The following BICC1 variants were observed in gnomAD, a reference collection of about 807,000 sequenced individuals.
BICC1 encodes the protein protein bicaudal C homolog 1.
BICC1 carries 43 observed loss-of-function variants against 111.0 expected under a neutral mutation model. That is an observed-to-expected ratio of 0.39 (90% CI 0.30 to 0.50). The LOEUF is 0.50. BICC1 is among the 20% of genes least tolerant of loss of function. The probability of loss-of-function intolerance (pLI) is 0.88; values close to 1 mark genes in which losing one functional copy is unlikely to be tolerated. For synonymous variants in BICC1, 467 were observed against 434.4 expected, an observed-to-expected ratio of 1.07 and a Z score of -0.93; for missense variants, 1,091 against 1,203.2, an observed-to-expected ratio of 0.91 and a Z score of 1.38.
chr10:58,522,512 A>G (rs1477835559), intron 1 of BICC1, among the ~76,000 whole-genome samples: 1 of 152,186 alleles, frequency 6.6e-6, no homozygotes, highest in Non-Finnish European at 1.5e-5. Context: ...ACCAACGACA[A>G]CAAAGACACA....
chr10:58,818,388 T>C lies in BICC1; in HGVS notation c.2694+666T>C, dbSNP rs1844161095. Among the ~76,000 whole-genome samples, 4 of 152,288 alleles carry C rather than the reference T, an allele frequency of 2.6e-5. No homozygotes were observed. The South Asian group carries it at 8.3e-4, about 32-fold the overall frequency. ...TGCTCTCATATTACTGGGGCACAGC[T>C]AACTCAAAGTGTCAGAAAATTAAAA... On this transcript the variant is annotated intron_variant, in intron 19 of 20. Coordinates refer to ENST00000373886, the MANE Select transcript of BICC1 (RefSeq NM_001080512.3).
At chr10:58,736,458 T>C (rs1841471337) in intron 3 of BICC1, among the ~76,000 whole-genome samples, 1 of 152,158 alleles carries the variant, frequency 6.6e-6, no homozygotes, top group East Asian at 1.9e-4. Flanking sequence ...AGTGTGCTGT[T>C]TTTCCTTGCA....
At chr10:58,604,373 C>G (rs1386037416) in intron 1 of BICC1, among the ~76,000 whole-genome samples, 2 of 151,790 alleles carry the variant, frequency 1.3e-5, no homozygotes, top group Non-Finnish European at 1.5e-5. Context: ...AGGTCATGAA[C>G]AAAAAAAATT....
At chr10:58,689,039 A>G (rs780150853) in intron 2 of BICC1, among the ~76,000 whole-genome samples, 2 of 152,162 alleles carry the variant, frequency 1.3e-5, no homozygotes, top group Non-Finnish European at 2.9e-5. Flanking sequence ...AACAACAACA[A>G]CAACAAAAAA....
intron 3 of BICC1, among the ~76,000 whole-genome samples, chr10:58,704,477 T>A (rs1267989365): frequency 6.6e-6 from 1 of 152,206 alleles, no homozygotes; most frequent in East Asian, 1.9e-4. Flanking sequence ...TTTTAAATGA[T>A]TCACTTCAGA....
At chr10:58,513,828 A>T (rs1255941091) in intron 1 of BICC1, among the ~76,000 whole-genome samples, 1 of 152,144 alleles carries the variant, frequency 6.6e-6, no homozygotes, top group East Asian at 1.9e-4. Flanking sequence ...TGCAGATGTC[A>T]AGGCTTAAGA....
intron 20 of BICC1, 79 bp downstream of exon 20, chr10:58,820,547 C>G: frequency 9.8e-7 from 1 of 1,015,602 alleles, no homozygotes; most frequent in African/African-American, 1.6e-5. Context: ...TTGTTTCTAC[C>G]CATTAACTGC....
At chr10:58,620,793 C>A (rs74687990) in intron 1 of BICC1, 62 bp from the exon 2 acceptor site, 1 of 1,525,600 alleles carries the variant, frequency 6.6e-7, no homozygotes, top group South Asian at 1.2e-5. Context: ...ATCTGATGCT[C>A]GAAAGTTTTT....
chr10:58,675,532 C>T (rs185503416), intron 2 of BICC1, among the ~76,000 whole-genome samples: 116 of 152,152 alleles, frequency 7.6e-4, no homozygotes, highest in Non-Finnish European at 1.4e-3. Context: ...AAGGCAGATA[C>T]CATCTGTTAT....
chr10:58,572,612 CAAATA>C (rs1166591961), intron 1 of BICC1, among the ~76,000 whole-genome samples: 3 of 151,910 alleles, frequency 2.0e-5, no homozygotes, highest in South Asian at 2.1e-4. Context: ...TGTAATTCCT[CAAATA>C]AAATATGCAT....
chr10:58,690,164 C>T (rs959931666), intron 2 of BICC1, among the ~76,000 whole-genome samples: 1 of 152,100 alleles, frequency 6.6e-6, no homozygotes, highest in Non-Finnish European at 1.5e-5. Flanking sequence ...TTCCTTAATC[C>T]CTCCCCACAC....
At chr10:58,655,925 G>T (rs1451554485) in intron 2 of BICC1, among the ~76,000 whole-genome samples, 2 of 151,990 alleles carry the variant, frequency 1.3e-5, no homozygotes, top group African/African-American at 4.8e-5. Context: ...TTTTTGAAAG[G>T]ATCAACAAAA....
intron 17 of BICC1, among the ~76,000 whole-genome samples, chr10:58,808,370 G>A (rs1476615081): frequency 2.0e-5 from 3 of 152,214 alleles, no homozygotes; most frequent in South Asian, 2.1e-4. Flanking sequence ...CCTGATGTAC[G>A]GTATGGCTAT....
chr10:58,704,331 G>A (rs1336470775), intron 3 of BICC1, among the ~76,000 whole-genome samples: 1 of 152,158 alleles, frequency 6.6e-6, no homozygotes, highest in South Asian at 2.1e-4. Context: ...AGAGAACATG[G>A]AAGGGAGAGA....
At chr10:58,584,497 G>T (rs1363139209) in intron 1 of BICC1, among the ~76,000 whole-genome samples, 1 of 152,168 alleles carries the variant, frequency 6.6e-6, no homozygotes, top group Non-Finnish European at 1.5e-5. Flanking sequence ...ATGTGCTTAG[G>T]TCTGGGCCTT....
intron 3 of BICC1, among the ~76,000 whole-genome samples, chr10:58,773,687 A>T (rs1275428806): frequency 6.6e-6 from 1 of 152,202 alleles, no homozygotes; most frequent in Non-Finnish European, 1.5e-5. Context: ...AAGACAGAAT[A>T]GCCCCAGGGC....
At chr10:58,523,256 G>C (rs202131148) in intron 1 of BICC1, among the ~76,000 whole-genome samples, 1 of 151,852 alleles carries the variant, frequency 6.6e-6, no homozygotes, top group Non-Finnish European at 1.5e-5. Context: ...ACAAAAAAAG[G>C]GAATTTTAGA....
At chr10:58,655,792 C>T (rs1201960852) in intron 2 of BICC1, among the ~76,000 whole-genome samples, 1 of 139,968 alleles carries the variant, frequency 7.1e-6, no homozygotes, top group Non-Finnish European at 1.5e-5. Context: ...CCAGTTTTTG[C>T]CCATTCAGTA....
chr10:58,709,298 G>A (rs1840499075), intron 3 of BICC1, among the ~76,000 whole-genome samples: 1 of 152,136 alleles, frequency 6.6e-6, no homozygotes, highest in Admixed American at 6.5e-5. Flanking sequence ...TTCCACATAT[G>A]AGTGAGAACA....
Sources: allele counts gnomAD v4.1 joint callset (sites outside exome capture counted in the v4.1 genomes callset), GRCh38; gene constraint gnomAD v4.1.1; transcripts MANE v1.5; gene names NCBI Gene and HGNC (gene_info 2026-07-23, HGNC 2026-07-21).